The following HYI variants were observed in gnomAD, a reference collection of about 807,000 sequenced individuals.
The protein encoded by HYI is hydroxypyruvate isomerase (putative).
HYI carries 47 observed loss-of-function variants against 39.7 expected under a neutral mutation model. The observed-to-expected ratio is 1.18, with a 90% CI of 0.94 to 1.51. The LOEUF is 1.51. Ranked by LOEUF, HYI falls within the 40% of genes most tolerant of loss-of-function variation. The pLI is 0.00. For missense variants in HYI, 465 were observed against 370.3 expected (o/e 1.26, Z -2.10); for synonymous variants, 186 against 158.8 (o/e 1.17, Z -1.29).
rs1252730837 is a variant in HYI at position 43,451,248 on chromosome 1, G to A, written c.824C>T (p.Ala275Val). The change falls in exon 8 of 8, where the codon GCT becomes GTT. Residue 275 changes from alanine to valine, a missense_variant. By Grantham distance (64) the Ala-to-Val change is moderately conservative. Coordinates refer to ENST00000372430, the MANE Select transcript of HYI (RefSeq NM_001190880.3). ...SYWDRRGHPEAGQ is the reference protein window; with the variant it reads ...SYWDRRGHPEVGQ ...GTGGTGTGCGGGCCCTCACTGGCCA[G>A]CCTCTGGGTGGCCCCGCCTATCCCA... The A allele has an allele frequency of 1.2e-6, 2 of 1,613,966 alleles. No individual in the cohort carries two copies. The highest frequency in any genetic ancestry group is 1.7e-5 in the Admixed American group (1 of 60,034).
At position 43,453,377 on chromosome 1, in the gene HYI, G is replaced by C. The variant is rs965683182; in HGVS notation, c.311+9C>G. 1 of 1,530,834 alleles carries C rather than the reference G, an allele frequency of 6.5e-7. No individual in the cohort carries two copies. The highest frequency in any genetic ancestry group is 2.0e-5 in the Admixed American group (1 of 50,846). 94.8% of individuals were successfully genotyped at this position (1,530,834 alleles called of 1,614,324 possible). On this transcript the variant is annotated intron_variant, in intron 2 of 7. Coordinates refer to ENST00000372430, the MANE Select transcript of HYI (RefSeq NM_001190880.3). ...GTCACAGGGGTGGGGGTGGGGTGGA[G>C]CGGGGTACCTGGGACAGCCCAGGGC...
In HYI at chr1:43,451,034, C is replaced by G. The variant is rs139142845; in HGVS notation, c.*204G>C. 1.9e-3 allele frequency: 1,496 copies of G among 776,078 alleles called. 16 individuals are homozygous for G. In the African/African-American group the frequency reaches 0.022, roughly 12 times the overall value. The allele number at this position is 776,078 out of a possible 1,614,324, so 48.1% of individuals were successfully genotyped here. A position where few individuals can be genotyped will look rare whatever the true frequency, so the allele number is the denominator to read the frequency against. ...TTCTCATCCTTTAATGAGGTGGGTT[C>G]AGAAGCTCTCCCATCTTCACAGCAA... On this transcript the variant is annotated 3_prime_UTR_variant, in exon 8 of 8. Coordinates refer to ENST00000372430, the MANE Select transcript of HYI (RefSeq NM_001190880.3).
chr1:43,450,832 C>A, downstream of HYI: 1 of 710,524 alleles, frequency 1.4e-6, no homozygotes, highest in Non-Finnish European at 2.6e-6. The surrounding 1 kb of genome is among the most constrained non-coding windows in gnomAD (Gnocchi z 4.3). Flanking sequence ...TGAATCCTGC[C>A]CCCTAGCCTT....
At position 43,453,720 on chromosome 1, in the gene HYI, C is replaced by T. The variant is rs1026192328; in HGVS notation, c.74G>A (p.Arg25Gln). ...CTCGAAGCCCGAGCTGCCCGCGGCC[C>T]GCACCCGCGCGGGGAGGCCGGAGAG... ...PELSGLPARV[R>Q]AAGSSGFEAV... is the part of the protein sequence containing the mutation. The change falls in exon 1 of 8, where the codon CGG becomes CAG. Residue 25 changes from arginine (R) to glutamine (Q), a missense_variant. Arg to Gln is a conservative substitution (Grantham distance 43, BLOSUM62 1). Coordinates refer to ENST00000372430, the MANE Select transcript of HYI (RefSeq NM_001190880.3). The T allele has an allele frequency of 5.0e-6, 7 of 1,391,964 alleles. No homozygotes were observed. The highest frequency in any genetic ancestry group is 6.5e-6 in the Non-Finnish European group (7 of 1,084,358). 86.2% of individuals were successfully genotyped at this position (1,391,964 alleles called of 1,614,324 possible).
At chr1:43,450,721 C>T (rs539339860), downstream of HYI, 387 of 707,592 alleles carry the variant, frequency 5.5e-4, no homozygotes, top group African/African-American at 3.6e-3. The surrounding 1 kb of genome is among the most constrained non-coding windows in gnomAD (Gnocchi z 4.3). Context: ...AGGTCAACCC[C>T]GAGGACCCCT....
rs776997283 is a variant in HYI, at chr1:43,451,289, A to G, written c.783T>C (p.Ser261=). The change falls in exon 8 of 8, where the codon AGT becomes AGC. Residue 261 remains serine, a synonymous_variant. Transcript: ENST00000372430. ...GCCTATCCCAGTATGAACGTAGCCA[A>G]CTCAAGCCCTCTACTGTGTCTCCTG... ...QPRGDTVEGL[S]WLRSYWDRRG... 3 of 1,613,918 alleles carry G rather than the reference A, an allele frequency of 1.9e-6. No homozygotes were observed. The highest frequency in any genetic ancestry group is 2.5e-6 in the Non-Finnish European group (3 of 1,179,964).
rs1656710805 is a variant in HYI at position 43,453,652 on chromosome 1, GCGCC to G, written c.138_141del (p.Glu46AspfsTer15). Reference sequence around the variant, plus strand: ...CCCGCTTCTCGCGCGGCGCGCGCCAGCGCCTCAGGCGTCTCCGCGTACGGCCAGG... The same window carrying G: ...CCCGCTTCTCGCGCGGCGCGCGCCAGTCAGGCGTCTCCGCGTACGGCCAGG... On this transcript the variant is annotated frameshift_variant, in exon 1 of 8. Coordinates refer to ENST00000372430, the MANE Select transcript of HYI (RefSeq NM_001190880.3). LOFTEE classifies it high-confidence loss of function. 3 of 1,486,576 alleles carry G rather than the reference GCGCC, an allele frequency of 2.0e-6. No homozygotes were observed. The highest frequency in any genetic ancestry group is 2.4e-5 in the Admixed American group (1 of 42,338). The allele number at this position is 1,486,576 out of a possible 1,614,324, so 92.1% of individuals were successfully genotyped here. A position where few individuals can be genotyped will look rare whatever the true frequency, so the allele number is the denominator to read the frequency against.
chr1:43,451,701 T>G lies in HYI; in HGVS notation c.572A>C (p.Gln191Pro). 1 of 1,614,200 alleles carries G rather than the reference T, an allele frequency of 6.2e-7. No individual in the cohort carries two copies. Among genetic ancestry groups the G allele is most frequent in the South Asian group, 1.1e-5 (1 of 91,082 alleles). ...LQLQMDIFHW[Q>P]IMDGNLTGNI... Reference sequence around the variant, plus strand: ...TCCTGTCAGGTTCCCATCCATGATCTGCCAGTGGAATATGTCCTAGGGAAG... The same window carrying G: ...TCCTGTCAGGTTCCCATCCATGATCGGCCAGTGGAATATGTCCTAGGGAAG... Residue 191 changes from glutamine to proline, a missense_variant, in exon 6 of 8, where the codon CAG (glutamine) becomes CCG (proline). Physicochemically the swap from Gln to Pro is moderately conservative, Grantham distance 76 (BLOSUM62 -1). Coordinates refer to ENST00000372430, the MANE Select transcript of HYI (RefSeq NM_001190880.3).
chr1:43,451,718 C>G lies in HYI; in HGVS notation c.556-1G>C, dbSNP rs182196829. 2 of 1,614,114 alleles carry G rather than the reference C, an allele frequency of 1.2e-6. No individual in the cohort carries two copies. Among genetic ancestry groups the G allele is most frequent in the East Asian group, 4.5e-5 (2 of 44,876 alleles). On this transcript the variant is annotated splice_acceptor_variant, in intron 5 of 7. Transcript: ENST00000372430. LOFTEE classifies it high-confidence loss of function. Reference sequence around the variant, plus strand: ...CCATGATCTGCCAGTGGAATATGTCCTAGGGAAGAGGATACTACATTCCGA... The same window carrying G: ...CCATGATCTGCCAGTGGAATATGTCGTAGGGAAGAGGATACTACATTCCGA...
In HYI at chr1:43,453,899, G is replaced by A; in HGVS notation, c.-106C>T. On this transcript the variant is annotated 5_prime_UTR_variant, in exon 1 of 8. Coordinates refer to ENST00000372430, the MANE Select transcript of HYI (RefSeq NM_001190880.3). ...GGCTCTCCTTGCTGGCCCTGCGAACGAACGAGCACTGTTCGTGGTTAGAAA... is the reference window on the plus strand; with the variant it reads ...GGCTCTCCTTGCTGGCCCTGCGAACAAACGAGCACTGTTCGTGGTTAGAAA... The A allele has an allele frequency of 2.5e-6, 3 of 1,216,630 alleles. No individual in the cohort carries two copies. Among genetic ancestry groups the A allele is most frequent in the Non-Finnish European group, 3.1e-6 (3 of 979,170 alleles). 75.4% of individuals were successfully genotyped at this position (1,216,630 alleles called of 1,614,324 possible). A position where few individuals can be genotyped will look rare whatever the true frequency, so the allele number is the denominator to read the frequency against.
chr1:43,453,031 C>G, intron 2 of HYI: 1 of 1,365,882 alleles, frequency 7.3e-7, no homozygotes, highest in Non-Finnish European at 1.0e-6. Context: ...GCATCACTAC[C>G]TGTAAGCAGC....
At chr1:43,451,770 G>A (rs367654718) in intron 5 of HYI, 28 bp downstream of exon 5, 15 of 1,613,916 alleles carry the variant, frequency 9.3e-6, no homozygotes, top group African/African-American at 4.0e-5. Context: ...CCCTCCTTCC[G>A]ATCTGCGAAG....
downstream of HYI, chr1:43,450,650 A>T (rs893038921): frequency 1.9e-6 from 2 of 1,048,852 alleles, no homozygotes; most frequent in Non-Finnish European, 2.7e-6. This position sits in a 1 kb window ranked among gnomAD's most constrained non-coding sequence, Gnocchi z 4.3. Context: ...CCAGCCTGGC[A>T]GCAGGAACCG....
chr1:43,451,471 CAGAT>C lies in HYI; in HGVS notation c.695_698del (p.Tyr232CysfsTer25), dbSNP rs1557613502. The C allele has an allele frequency of 3.1e-6, 5 of 1,614,140 alleles. No individual in the cohort carries two copies. Among genetic ancestry groups the C allele is most frequent in the Non-Finnish European group, 4.2e-6 (5 of 1,180,038 alleles). ...AGCCTTCATCTTCCAGCAGTTGAAA[CAGAT>C]AGGGGAAATTCAGCTCTCCGGGGCT... On this transcript the variant is annotated frameshift_variant, in exon 7 of 8. Transcript: ENST00000372430. LOFTEE classifies it high-confidence loss of function.
rs772152391 is a variant in HYI at position 43,451,642 on chromosome 1, T to G, written c.625+6A>C. ...AGGGTGGGAGGGCAAAGGAAGGTCC[T>G]CTCACCAACAATGGGCAGGAACTCC... On this transcript the variant is annotated splice_donor_region_variant and intron_variant, in intron 6 of 7. Coordinates refer to ENST00000372430, the MANE Select transcript of HYI (RefSeq NM_001190880.3). The G allele has an allele frequency of 6.2e-7, 1 of 1,613,978 alleles. No individual in the cohort carries two copies. The highest frequency in any genetic ancestry group is 1.1e-5 in the South Asian group (1 of 91,090).
chr1:43,451,129 C>G lies in HYI; in HGVS notation c.*109G>C. 3 of 1,068,094 alleles carry G rather than the reference C, an allele frequency of 2.8e-6. No individual in the cohort carries two copies. The highest frequency in any genetic ancestry group is 4.4e-6 in the Non-Finnish European group (3 of 687,164). The allele number at this position is 1,068,094 out of a possible 1,614,324, so 66.2% of individuals were successfully genotyped here. ...GAAGTGTTAGACACTATGTGTCCCA[C>G]CACCCCATTACAGAGACATATGACA... is the stretch of plus-strand genomic sequence containing the variant. On this transcript the variant is annotated 3_prime_UTR_variant, in exon 8 of 8. Coordinates refer to ENST00000372430, the MANE Select transcript of HYI (RefSeq NM_001190880.3).
chr1:43,452,583 C>T lies in HYI; in HGVS notation c.312-264G>A, dbSNP rs948189780. The stretch of plus-strand genomic sequence containing the variant: ...ACCTTTCCTTCCCTCGGTCCTTCTC[C>T]GCAACCTGTAACCTGCTAAATTCTC... On this transcript the variant is annotated intron_variant, in intron 2 of 7. Transcript: ENST00000372430. 587 of 607,974 alleles carry T rather than the reference C, an allele frequency of 9.7e-4. 10 individuals carry two copies. The highest frequency in any genetic ancestry group is 4.3e-4 in the Middle Eastern group (1 of 2,306). The allele number at this position is 607,974 out of a possible 1,614,324, so 37.7% of individuals were successfully genotyped here.
Position 43,453,794 on chromosome 1 carries a change from G to T in HYI, c.-1C>A, listed in dbSNP as rs1656741572. The T allele has an allele frequency of 5.5e-6, 7 of 1,266,996 alleles. No individual in the cohort carries two copies. In the South Asian group the frequency reaches 1.2e-4, roughly 22 times the overall value. The allele number at this position is 1,266,996 out of a possible 1,614,324, so 78.5% of individuals were successfully genotyped here. On this transcript the variant is annotated 5_prime_UTR_variant, in exon 1 of 8. Transcript: ENST00000372430. Reference sequence around the variant, plus strand: ...TGGCGGAGAAGCGCAGCGGCGCCATGCCTGGGGAGGCCGGGCCGGGCGGAG... The same window carrying T: ...TGGCGGAGAAGCGCAGCGGCGCCATTCCTGGGGAGGCCGGGCCGGGCGGAG...
In HYI at chr1:43,453,600, G is replaced by A. The variant is rs955607259; in HGVS notation, c.194C>T (p.Pro65Leu). The change falls in exon 1 of 8, where the codon CCC becomes CTC. Residue 65 changes from proline to leucine, a missense_variant. Pro to Leu is a moderately conservative substitution (Grantham distance 98). Coordinates refer to ENST00000372430, the MANE Select transcript of HYI (RefSeq NM_001190880.3). The stretch of plus-strand genomic sequence containing the variant: ...CCTCCCGGCCCGCGACGCACCCGGG[G>A]GCGTGTTGATCAGTACAAGCCGCAG... Reference protein sequence around the residue: ...AGLRLVLINTPPGDQEKGEMG... With the variant: ...AGLRLVLINTLPGDQEKGEMG... 3 of 1,526,438 alleles carry A rather than the reference G, an allele frequency of 2.0e-6. No homozygotes were observed. The African/African-American group carries it at 4.2e-5, about 21-fold the overall frequency. The allele number at this position is 1,526,438 out of a possible 1,614,324, so 94.6% of individuals were successfully genotyped here.
Sources: allele counts gnomAD v4.1 joint callset, GRCh38; gene constraint gnomAD v4.1.1; non-coding constraint Gnocchi (gnomAD v3.1); transcripts MANE v1.5; gene names NCBI Gene and HGNC (gene_info 2026-07-23, HGNC 2026-07-21).